ANKRD16: variants seen among roughly 807,000 people sequenced by gnomAD.
ANKRD16 encodes the protein ankyrin repeat domain 16.
Under a neutral mutation model 37.9 loss-of-function variants are expected in ANKRD16, and 35 were observed. The observed-to-expected ratio is 0.92, with a 90% CI of 0.71 to 1.23. ANKRD16 has a LOEUF of 1.23. ANKRD16 is among the 50% of genes most tolerant of loss of function. The pLI, the probability that ANKRD16 is intolerant of heterozygous loss-of-function variation, is 0.00. For missense variants in ANKRD16, 480 were observed against 469.9 expected (o/e 1.02, Z -0.20); for synonymous variants, 206 against 197.2 (o/e 1.04, Z -0.37).
At chr10:5,872,602 G>C (rs1203460908) in intron 7 of ANKRD16, among the ~76,000 whole-genome samples, 2 of 152,058 alleles carry the variant, frequency 1.3e-5, no homozygotes, top group Non-Finnish European at 2.9e-5. Flanking sequence ...TGTTGCCCAG[G>C]CTGGAGTGCA....
chr10:5,883,689 A>C (rs1008205973), intron 4 of ANKRD16, among the ~76,000 whole-genome samples: 2 of 152,214 alleles, frequency 1.3e-5, no homozygotes, highest in Non-Finnish European at 2.9e-5. Context: ...GTTTGTTGTT[A>C]TTATTGCTAT....
At chr10:5,877,942 G>A in intron 7 of ANKRD16, 155 bp downstream of exon 7, 2 of 718,738 alleles carry the variant, frequency 2.8e-6, no homozygotes, top group South Asian at 3.8e-5. Context: ...TGCCTGTCAT[G>A]GAGCTGGGAA....
intron 4 of ANKRD16, 127 bp from the exon 5 acceptor site, chr10:5,883,294 G>T: frequency 1.1e-6 from 1 of 950,992 alleles, no homozygotes; most frequent in Non-Finnish European, 1.5e-6. Context: ...CAGAGGATAT[G>T]TGGCTTTTGT....
At position 5,878,983 on chromosome 10, in the gene ANKRD16, A is replaced by G. The variant is rs892402486; in HGVS notation, c.929-696T>C. Among the ~76,000 whole-genome samples the G allele has an allele frequency of 6.6e-6, 1 of 152,174 alleles. No homozygotes were observed. Among genetic ancestry groups the G allele is most frequent in the African/African-American group, 2.4e-5 (1 of 41,448 alleles). Reference sequence around the variant, plus strand: ...CACCACAAATAATCACGTAGCCAAAAAAACACTTTTGAACAAGCTTCCCAC... The same window carrying G: ...CACCACAAATAATCACGTAGCCAAAGAAACACTTTTGAACAAGCTTCCCAC... On this transcript the variant is annotated intron_variant, in intron 6 of 7. Transcript: ENST00000380094. This position sits in a 1 kb window ranked among gnomAD's most constrained non-coding sequence, Gnocchi z 5.1.
At chr10:5,873,425 C>T (rs376214406) in intron 7 of ANKRD16, among the ~76,000 whole-genome samples, 6 of 152,016 alleles carry the variant, frequency 3.9e-5, no homozygotes, top group African/African-American at 9.7e-5. Context: ...CTGCCCGCCT[C>T]GGCCTCCCAA....
intron 5 of ANKRD16, 137 bp from the exon 6 acceptor site, chr10:5,880,513 T>G (rs1842280517): frequency 2.3e-6 from 1 of 430,116 alleles, no homozygotes; most frequent in Admixed American, 4.3e-5. Flanking sequence ...GAGAGACAGG[T>G]CTGTGTCTCT....
Position 5,889,096 on chromosome 10 carries a change from C to A in ANKRD16, c.259G>T (p.Val87Leu). Residue 87 changes from valine (V) to leucine (L), a missense_variant, in exon 1 of 8, where the codon GTG becomes TTG. Transcript: ENST00000380094. ...GCCCCCCGGCCCAGCAGGTAGCGCA[C>A]GCAGTCTCGGTGGCCCATGGAGGCC... is the stretch of plus-strand genomic sequence containing the variant. Reference protein sequence around the residue: ...EAASMGHRDCVRYLLGRGAAV... With the variant: ...EAASMGHRDCLRYLLGRGAAV... 2.5e-6 allele frequency: 4 copies of A among 1,586,680 alleles called. No homozygotes were observed. Among genetic ancestry groups the A allele is most frequent in the Non-Finnish European group, 3.4e-6 (4 of 1,173,444 alleles).
intron 5 of ANKRD16, among the ~76,000 whole-genome samples, chr10:5,881,439 T>TATAAATAA (rs1491499689): frequency 1.9e-3 from 13 of 6,962 alleles, no homozygotes; most frequent in African/African-American, 5.1e-3. Flanking sequence ...AAATATTATT[T>TATAAATAA]ATATATATAT....
At chr10:5,872,160 A>C (rs1842099921) in intron 7 of ANKRD16, among the ~76,000 whole-genome samples, 1 of 134,350 alleles carries the variant, frequency 7.4e-6, no homozygotes, top group Admixed American at 8.3e-5. Context: ...CAAAGTTTTA[A>C]AGAGCATTAG....
intron 7 of ANKRD16, among the ~76,000 whole-genome samples, chr10:5,872,609 T>C (rs1008597282): frequency 5.9e-5 from 9 of 152,214 alleles, no homozygotes; most frequent in South Asian, 2.1e-4. Context: ...CAGGCTGGAG[T>C]GCAGTGGCGC....
chr10:5,882,812 G>C, intron 5 of ANKRD16, 194 bp downstream of exon 5: 1 of 540,700 alleles, frequency 1.8e-6, no homozygotes, highest in Non-Finnish European at 3.0e-6. Context: ...TTAAAGTTTT[G>C]TCTAGCAACA....
In ANKRD16 at chr10:5,862,329, C is replaced by A; in HGVS notation, c.*396G>T. ...GTGTTTCATGTTTTTGTGTTTCTTT[C>A]TTTCTGTCGGTGGTTCCTGAGGGTT... On this transcript the variant is annotated 3_prime_UTR_variant, in exon 8 of 8. Transcript: ENST00000380094. This position sits in a 1 kb window ranked among gnomAD's most constrained non-coding sequence, Gnocchi z 6.5. 1 of 417,862 alleles carries A rather than the reference C, an allele frequency of 2.4e-6. No homozygotes were observed. Among genetic ancestry groups the A allele is most frequent in the Non-Finnish European group, 4.7e-6 (1 of 214,212 alleles). 25.9% of individuals were successfully genotyped at this position (417,862 alleles called of 1,614,324 possible). A position where few individuals can be genotyped will look rare whatever the true frequency, so the allele number is the denominator to read the frequency against.
chr10:5,886,977 T>C (rs182689572), intron 2 of ANKRD16, among the ~76,000 whole-genome samples: 1 of 152,346 alleles, frequency 6.6e-6, no homozygotes, highest in East Asian at 1.9e-4. Context: ...TATAGCACTA[T>C]GGTAGGTGTT....
Position 5,878,297 on chromosome 10 carries a change from G to A in ANKRD16, c.929-10C>T. On this transcript the variant is annotated splice_polypyrimidine_tract_variant and intron_variant, in intron 6 of 7. Transcript: ENST00000380094. The surrounding 1 kb of genome is among the most constrained non-coding windows in gnomAD (Gnocchi z 5.1). ...CAGGCCAGATGCAGGGCTGAGGGGT[G>A]ACAAAAATCACATGGACTTAAAACA... is the stretch of plus-strand genomic sequence containing the variant. 3 of 1,608,366 alleles carry A rather than the reference G, an allele frequency of 1.9e-6. No homozygotes were observed. The highest frequency in any genetic ancestry group is 2.5e-6 in the Non-Finnish European group (3 of 1,177,724).
chr10:5,872,449 G>A (rs567483708), intron 7 of ANKRD16, among the ~76,000 whole-genome samples: 48 of 152,066 alleles, frequency 3.2e-4, no homozygotes, highest in African/African-American at 7.2e-4. Context: ...ACTATACCCC[G>A]GCCTGGGTGA....
At position 5,864,080 on chromosome 10, in the gene ANKRD16, A is replaced by G. The variant is rs1841980674; in HGVS notation, c.*34-1389T>C. Among the ~76,000 whole-genome samples the G allele has an allele frequency of 6.6e-6, 1 of 152,114 alleles. No individual in the cohort carries two copies. Reference sequence around the variant, plus strand: ...AAAAATGGCCACCTGAGGGAAGTATAAATTACAATACTATCCTGCAGCTTG... The same window carrying G: ...AAAAATGGCCACCTGAGGGAAGTATGAATTACAATACTATCCTGCAGCTTG... On this transcript the variant is annotated intron_variant, in intron 7 of 7. Coordinates refer to ENST00000380094, the MANE Select transcript of ANKRD16 (RefSeq NM_019046.3). This position sits in a 1 kb window ranked among gnomAD's most constrained non-coding sequence, Gnocchi z 4.4.
intron 5 of ANKRD16, among the ~76,000 whole-genome samples, chr10:5,882,074 A>C (rs1448506828): frequency 1.3e-5 from 2 of 151,940 alleles, no homozygotes; most frequent in African/African-American, 2.4e-5. Context: ...CCTGGCCTAT[A>C]AAATAATTTA....
At position 5,867,568 on chromosome 10, in the gene ANKRD16, C is replaced by G. The variant is rs186252820; in HGVS notation, c.*34-4877G>C. Among the ~76,000 whole-genome samples the G allele has an allele frequency of 4.6e-5, 7 of 152,272 alleles. No individual in the cohort carries two copies. In the East Asian group the frequency reaches 1.3e-3, roughly 29 times the overall value. ...AATCCCAAACTTATAAGGTTTTCAACAAAAGTAAAGTTTGCTAAAATTTAA... is the reference window on the plus strand; with the variant it reads ...AATCCCAAACTTATAAGGTTTTCAAGAAAAGTAAAGTTTGCTAAAATTTAA... On this transcript the variant is annotated intron_variant, in intron 7 of 7. Coordinates refer to ENST00000380094, the MANE Select transcript of ANKRD16 (RefSeq NM_019046.3).
intron 4 of ANKRD16, 23 bp from the exon 5 acceptor site, chr10:5,883,190 G>A (rs750806902): frequency 1.2e-6 from 2 of 1,608,168 alleles, no homozygotes; most frequent in South Asian, 1.1e-5. Context: ...GGAGAGAAAG[G>A]AGCAAAGGTC....
Sources: gnomAD v4.1 joint callset for allele counts (sites outside exome capture counted in the v4.1 genomes callset) on GRCh38, gnomAD v4.1.1 for gene constraint, Gnocchi (gnomAD v3.1) non-coding constraint, MANE v1.5 for transcripts, NCBI Gene and HGNC (gene_info 2026-07-23, HGNC 2026-07-21) for gene names.